Variants in GABBR2 observed in about 807,000 individuals in gnomAD.
GABBR2 encodes the protein G-protein coupled receptor 51.
GABBR2 carries 23 observed loss-of-function variants against 105.6 expected under a neutral mutation model. The ratio of observed to expected loss-of-function variants is 0.22; its 90% CI spans 0.16 to 0.31. The LOEUF (loss-of-function observed/expected upper bound fraction) is 0.31, where lower values mean the gene tolerates loss of function less well. GABBR2 is among the 10% of genes least tolerant of loss of function. The pLI is 1.00. For synonymous variants in GABBR2, 478 were observed against 499.7 expected, an observed-to-expected ratio of 0.96 and a Z score of 0.58; for missense variants, 734 against 1,245.5, an observed-to-expected ratio of 0.59 and a Z score of 6.18.
At chr9:98,419,898 C>T (rs925716368) in intron 7 of GABBR2, among the ~76,000 whole-genome samples, 29 of 152,174 alleles carry the variant, frequency 1.9e-4, no homozygotes, top group Middle Eastern at 6.8e-3. Context: ...AGCAGGAGAG[C>T]GCGAGTCCTC....
At chr9:98,360,237 C>T (rs1226356657) in intron 13 of GABBR2, among the ~76,000 whole-genome samples, 1 of 152,190 alleles carries the variant, frequency 6.6e-6, no homozygotes, top group African/African-American at 2.4e-5. Context: ...GCCCTGGGCA[C>T]ACTGTTCAAC....
At chr9:98,446,399 A>T (rs1826130576) in intron 7 of GABBR2, among the ~76,000 whole-genome samples, 1 of 152,240 alleles carries the variant, frequency 6.6e-6, no homozygotes, top group Non-Finnish European at 1.5e-5. Flanking sequence ...CAGAGATGTA[A>T]GTAACTTCTC....
At chr9:98,309,604 C>T (rs1282431515) in intron 14 of GABBR2, among the ~76,000 whole-genome samples, 1 of 152,238 alleles carries the variant, frequency 6.6e-6, no homozygotes, top group East Asian at 1.9e-4. Flanking sequence ...GTTCTGCCCT[C>T]AGGTCTGTGC....
At chr9:98,674,181 C>T (rs914667) in intron 1 of GABBR2, among the ~76,000 whole-genome samples, 140,703 of 152,094 alleles carry the variant, frequency 0.93, 65,235 homozygotes, top group Middle Eastern at 0.97. Flanking sequence ...ACAAAAGGAG[C>T]CTAAGATAGA....
intron 3 of GABBR2, among the ~76,000 whole-genome samples, chr9:98,520,059 A>C (rs1334125346): frequency 6.6e-6 from 1 of 152,176 alleles, no homozygotes; most frequent in East Asian, 1.9e-4. Flanking sequence ...GTGAGTAAGG[A>C]AACTCTCTGA....
intron 2 of GABBR2, among the ~76,000 whole-genome samples, chr9:98,563,627 AT>A (rs1422615274): frequency 6.6e-6 from 1 of 152,224 alleles, no homozygotes. Flanking sequence ...CCAACATGTC[AT>A]GTTAGAAGAG....
intron 1 of GABBR2, among the ~76,000 whole-genome samples, chr9:98,648,116 T>TATAGATAGATAGATAGATAGATAG (rs1554723458): frequency 1.5e-3 from 83 of 55,952 alleles, no homozygotes; most frequent in South Asian, 4.6e-3. Context: ...TGTGTGTGTG[T>TATAGATAGATAGATAGATAGATAG]ATAGATAGAT....
chr9:98,586,299 T>G (rs548776009), intron 1 of GABBR2, among the ~76,000 whole-genome samples: 233 of 146,014 alleles, frequency 1.6e-3, no homozygotes, highest in African/African-American at 3.1e-3. Flanking sequence ...TTTTTTTTTT[T>G]TTTGTTTGTT....
intron 5 of GABBR2, among the ~76,000 whole-genome samples, chr9:98,477,047 T>C (rs1324639874): frequency 1.3e-5 from 2 of 152,084 alleles, no homozygotes; most frequent in Non-Finnish European, 2.9e-5. Context: ...GTTGGACACA[T>C]GAGTTTTAAC....
chr9:98,553,340 T>TC (rs1828525624), intron 2 of GABBR2, among the ~76,000 whole-genome samples: 1 of 151,538 alleles, frequency 6.6e-6, no homozygotes, highest in Admixed American at 6.6e-5. Context: ...ACACCTGTAA[T>TC]CCCAGCACTT....
chr9:98,330,025 A>G (rs903000112), intron 13 of GABBR2, among the ~76,000 whole-genome samples: 2 of 152,218 alleles, frequency 1.3e-5, no homozygotes, highest in Non-Finnish European at 2.9e-5. Context: ...TCTGACAACC[A>G]GAGTAGGCGT....
At chr9:98,363,135 G>C (rs903020030) in intron 12 of GABBR2, among the ~76,000 whole-genome samples, 1 of 152,154 alleles carries the variant, frequency 6.6e-6, no homozygotes, top group Admixed American at 6.5e-5. Flanking sequence ...GTAGGTGCTA[G>C]TTCTTTTGTC....
At chr9:98,415,336 C>T (rs1010938462) in intron 7 of GABBR2, among the ~76,000 whole-genome samples, 2 of 152,124 alleles carry the variant, frequency 1.3e-5, no homozygotes, top group South Asian at 2.1e-4. Flanking sequence ...GCAATATCAT[C>T]AGCAATAAAC....
chr9:98,505,488 C>T (rs1827492204), intron 3 of GABBR2, among the ~76,000 whole-genome samples: 1 of 151,638 alleles, frequency 6.6e-6, no homozygotes, highest in Non-Finnish European at 1.5e-5. Context: ...TGCATGTTCA[C>T]AGTGCAGAGC....
rs60984571 is a variant in GABBR2 at position 98,336,814 on chromosome 9, T to TA, written c.1894-25610dup. On this transcript the variant is annotated intron_variant, in intron 13 of 18. Coordinates refer to ENST00000259455, the MANE Select transcript of GABBR2 (RefSeq NM_005458.8). Reference sequence around the variant, plus strand: ...AAATGCAGAGATTGGCAGAATGAATTAAAAAAAACATGATCTGACTATATT... The same window carrying TA: ...AAATGCAGAGATTGGCAGAATGAATTAAAAAAAAACATGATCTGACTATATT... 2.0e-4 allele frequency among the ~76,000 whole-genome samples: 31 copies of TA among 151,688 alleles called. 1 individual carries two copies. In the South Asian group the frequency reaches 4.0e-3, roughly 19 times the overall value.
chr9:98,459,500 G>A (rs1826386269), intron 6 of GABBR2, among the ~76,000 whole-genome samples: 1 of 152,222 alleles, frequency 6.6e-6, no homozygotes, highest in Non-Finnish European at 1.5e-5. Context: ...GCCAAAAACT[G>A]TAGTTCTGGA....
At chr9:98,666,184 C>T (rs573057068) in intron 1 of GABBR2, among the ~76,000 whole-genome samples, 1 of 152,322 alleles carries the variant, frequency 6.6e-6, no homozygotes, top group East Asian at 1.9e-4. Context: ...GTGAGGGGGC[C>T]AGCCTGGAGA....
At chr9:98,693,881 T>A (rs975825071) in intron 1 of GABBR2, among the ~76,000 whole-genome samples, 7 of 152,224 alleles carry the variant, frequency 4.6e-5, no homozygotes, top group Admixed American at 4.6e-4. Flanking sequence ...TGCAGAGAAT[T>A]CTGAGCAGCC....
intron 9 of GABBR2, among the ~76,000 whole-genome samples, chr9:98,392,081 G>C (rs1832191518): frequency 1.3e-5 from 2 of 152,090 alleles, no homozygotes; most frequent in African/African-American, 2.4e-5. Context: ...TTGGTAGTGG[G>C]GAAGGTCTGA....
Sources: gnomAD v4.1 joint callset for allele counts (sites outside exome capture counted in the v4.1 genomes callset) on GRCh38, gnomAD v4.1.1 for gene constraint, MANE v1.5 for transcripts, NCBI Gene and HGNC (gene_info 2026-07-23, HGNC 2026-07-21) for gene names.